The following ENPP6 variants were observed in gnomAD, a reference collection of about 807,000 sequenced individuals.
The protein encoded by ENPP6 is ectonucleotide pyrophosphatase/phosphodiesterase 6.
ENPP6 carries 32 observed loss-of-function variants against 42.0 expected under a neutral mutation model. The observed-to-expected ratio is 0.76, with a 90% CI of 0.58 to 1.02. The LOEUF is 1.02. Ranked by LOEUF, ENPP6 falls within the 50% of genes least tolerant of loss-of-function variation. ENPP6 has a pLI of 0.00. For missense variants in ENPP6, 552 were observed against 566.8 expected, an observed-to-expected ratio of 0.97 and a Z score of 0.27; for synonymous variants, 213 against 216.0, an observed-to-expected ratio of 0.99 and a Z score of 0.12.
intron 2 of ENPP6, among the ~76,000 whole-genome samples, chr4:184,128,595 CA>C (rs35054008): frequency 0.048 from 7,092 of 146,240 alleles, 544 homozygotes; most frequent in African/African-American, 0.17. Context: ...AAAGAATGGG[CA>C]AAAAAAAAAA....
chr4:184,182,916 C>G (rs567899401), intron 1 of ENPP6, among the ~76,000 whole-genome samples: 88 of 152,190 alleles, frequency 5.8e-4, no homozygotes, highest in African/African-American at 1.9e-3. Flanking sequence ...GGGCTTAATA[C>G]CTAGGTGATG....
At chr4:184,140,685 G>A (rs374657917) in intron 2 of ENPP6, among the ~76,000 whole-genome samples, 20 of 138,450 alleles carry the variant, frequency 1.4e-4, no homozygotes, top group South Asian at 1.1e-3. Flanking sequence ...CTGGCTAGCC[G>A]TATGTAGAAA....
At chr4:184,190,408 G>C (rs1732698091) in intron 1 of ENPP6, among the ~76,000 whole-genome samples, 1 of 152,208 alleles carries the variant, frequency 6.6e-6, no homozygotes, top group African/African-American at 2.4e-5. Flanking sequence ...AGAGAGCAGA[G>C]AGAATCGGGG....
At chr4:184,206,259 T>C (rs1219825972) in intron 1 of ENPP6, among the ~76,000 whole-genome samples, 12 of 140,056 alleles carry the variant, frequency 8.6e-5, no homozygotes, top group Non-Finnish European at 1.5e-4. Flanking sequence ...GAATTTTTTT[T>C]TTTTTTTTTT....
intron 1 of ENPP6, among the ~76,000 whole-genome samples, chr4:184,194,177 G>A (rs529273120): frequency 2.6e-5 from 4 of 152,258 alleles, no homozygotes; most frequent in Admixed American, 6.5e-5. Flanking sequence ...CCGGGCCTTC[G>A]CGGCTGCTAA....
At chr4:184,099,303 G>C (rs947061078) in intron 6 of ENPP6, among the ~76,000 whole-genome samples, 1 of 152,224 alleles carries the variant, frequency 6.6e-6, no homozygotes, top group East Asian at 1.9e-4. Flanking sequence ...AGCACTAACA[G>C]GATTTTGGAA....
Position 184,097,270 on chromosome 4 carries a change from C to T in ENPP6, c.1092G>A (p.Arg364=). The T allele has an allele frequency of 5.0e-6, 8 of 1,614,204 alleles. No individual in the cohort carries two copies. The highest frequency in any genetic ancestry group is 2.2e-5 in the East Asian group (1 of 44,878). The part of the protein sequence containing the change: ...HGYDNELMDM[R]GIFLAFGPDF... ...CAGGTCCGAAGGCCAGGAAGATGCC[C>T]CGCATGTCCATGAGCTCGTTGTCGT... The change falls in exon 7 of 8, where the codon CGG becomes CGA. Residue 364 remains arginine, a synonymous_variant. Coordinates refer to ENST00000296741, the MANE Select transcript of ENPP6 (RefSeq NM_153343.4).
intron 1 of ENPP6, among the ~76,000 whole-genome samples, chr4:184,163,470 C>T (rs1737300181): frequency 6.6e-6 from 1 of 152,114 alleles, no homozygotes. Flanking sequence ...CTTTCCATGA[C>T]AATAACAGAT....
intron 2 of ENPP6, among the ~76,000 whole-genome samples, chr4:184,142,138 G>C (rs79626683): frequency 0.058 from 8,900 of 152,182 alleles, 313 homozygotes; most frequent in East Asian, 0.12. Flanking sequence ...AAGGAGACTC[G>C]CTTCCTGGCA....
intron 2 of ENPP6, among the ~76,000 whole-genome samples, chr4:184,138,982 G>T (rs941669951): frequency 1.7e-4 from 26 of 152,334 alleles, no homozygotes; most frequent in African/African-American, 5.8e-4. Flanking sequence ...GGGTGAGAAG[G>T]TCCTATCTCC....
chr4:184,115,638 G>C (rs1163899665), intron 5 of ENPP6, among the ~76,000 whole-genome samples: 1 of 152,154 alleles, frequency 6.6e-6, no homozygotes, highest in Non-Finnish European at 1.5e-5. Flanking sequence ...CAGCAGCCAG[G>C]AGGCAGCTAT....
chr4:184,155,307 TTC>T (rs1737139344), intron 1 of ENPP6, among the ~76,000 whole-genome samples: 2 of 152,222 alleles, frequency 1.3e-5, no homozygotes, highest in South Asian at 2.1e-4. Flanking sequence ...AAATTTTGCA[TTC>T]TGTGTCACAA....
intron 1 of ENPP6, among the ~76,000 whole-genome samples, chr4:184,208,916 G>A (rs1236881993): frequency 1.4e-5 from 2 of 144,468 alleles, no homozygotes; most frequent in Non-Finnish European, 1.5e-5. Context: ...CTCCTCAAGT[G>A]GGTCCCTGAC....
chr4:184,098,265 T>G (rs1579606024), intron 6 of ENPP6, among the ~76,000 whole-genome samples: 1 of 152,132 alleles, frequency 6.6e-6, no homozygotes, highest in African/African-American at 2.4e-5. Flanking sequence ...GGCCTCTGAG[T>G]GGGGGCTGTC....
At chr4:184,177,397 C>T (rs565093391) in intron 1 of ENPP6, among the ~76,000 whole-genome samples, 1 of 152,174 alleles carries the variant, frequency 6.6e-6, no homozygotes, top group South Asian at 2.1e-4. Context: ...ATGGAGTGGC[C>T]ATAGTCTCCA....
intron 6 of ENPP6, among the ~76,000 whole-genome samples, chr4:184,109,041 T>G (rs182694647): frequency 5.7e-4 from 87 of 152,302 alleles, no homozygotes; most frequent in African/African-American, 2.1e-3. Flanking sequence ...TGAAACCCCA[T>G]CTCCACTAAA....
chr4:184,113,928 T>TTTCTTTCTTTCTTTCTTTCTTTCC (rs1736264293), intron 5 of ENPP6, among the ~76,000 whole-genome samples: 3 of 141,756 alleles, frequency 2.1e-5, no homozygotes, highest in Non-Finnish European at 3.1e-5. Flanking sequence ...TCTTTCTTTC[T>TTTCTTTCTTTCTTTCTTTCTTTCC]TTCTTTCTTT....
intron 2 of ENPP6, among the ~76,000 whole-genome samples, chr4:184,139,406 G>A (rs1463506403): frequency 1.3e-5 from 2 of 148,356 alleles, no homozygotes; most frequent in Non-Finnish European, 3.0e-5. Flanking sequence ...TGCACATTGT[G>A]CAGGTTAGTT....
chr4:184,179,652 T>A (rs1293692599), intron 1 of ENPP6, among the ~76,000 whole-genome samples: 1 of 151,800 alleles, frequency 6.6e-6, no homozygotes, highest in Non-Finnish European at 1.5e-5. Flanking sequence ...AGAAATGAAA[T>A]AACAAAAAAA....
Sources: gnomAD v4.1 joint callset for allele counts (sites outside exome capture counted in the v4.1 genomes callset) on GRCh38, gnomAD v4.1.1 for gene constraint, MANE v1.5 for transcripts, NCBI Gene and HGNC (gene_info 2026-07-23, HGNC 2026-07-21) for gene names.